Variants in EPB41L1 observed in about 807,000 individuals in gnomAD.
EPB41L1 encodes band 4.1-like protein 1.
In EPB41L1, 29 loss-of-function variants were observed where a neutral mutation model predicts 97.8. The ratio of observed to expected loss-of-function variants is 0.30; its 90% CI spans 0.22 to 0.40. The LOEUF is 0.40. EPB41L1 is among the 10% of genes least tolerant of loss of function. EPB41L1 has a pLI of 1.00. For synonymous variants in EPB41L1, 383 were observed against 459.2 expected, an observed-to-expected ratio of 0.83 and a Z score of 2.12; for missense variants, 812 against 1,162.3, an observed-to-expected ratio of 0.70 and a Z score of 4.38.
intron 1 of EPB41L1, chr20:36,109,941 T>C (rs868855440): frequency 6.7e-6 from 1 of 149,198 alleles, no homozygotes; most frequent in African/African-American, 2.6e-5. Flanking sequence ...TGACATTGTT[T>C]TTTTTTTTTT....
rs772790072 is a variant in EPB41L1 at position 36,214,458 on chromosome 20, G to A, written c.2268+18G>A. ...CCACCATGGTAAGTTGAACCCAGGA[G>A]GCTTCCCTCTCTGACCAGCCCCCTG... On this transcript the variant is annotated intron_variant, in intron 17 of 21. Coordinates refer to ENST00000338074, the MANE Select transcript of EPB41L1 (RefSeq NM_012156.2). The A allele has an allele frequency of 3.1e-6, 5 of 1,604,572 alleles. No homozygotes were observed. Among genetic ancestry groups the A allele is most frequent in the Admixed American group, 1.7e-5 (1 of 59,622 alleles).
At chr20:36,198,170 G>GGA (rs1170238425) in intron 14 of EPB41L1, 129 bp downstream of exon 14, 1 of 864,090 alleles carries the variant, frequency 1.2e-6, no homozygotes, top group Non-Finnish European at 1.8e-6. Flanking sequence ...TGGTGGGGAT[G>GGA]GAGAGGGTGG....
Position 36,207,161 on chromosome 20 carries a change from C to G in EPB41L1, c.1669-2327C>G, listed in dbSNP as rs1044695375. On this transcript the variant is annotated intron_variant, in intron 14 of 21. Coordinates refer to ENST00000338074, the MANE Select transcript of EPB41L1 (RefSeq NM_012156.2). The surrounding 1 kb of genome is among the most constrained non-coding windows in gnomAD (Gnocchi z 4.9). ...TCTCCAAGCCCAACCTCCCATGGGT[C>G]AGGGGAGCCTTCGGAGCTCAGGGAG... The G allele has an allele frequency of 1.9e-5, 24 of 1,289,082 alleles. No individual in the cohort carries two copies. Among genetic ancestry groups the G allele is most frequent in the Middle Eastern group, 2.1e-4 (1 of 4,716 alleles). The allele number at this position is 1,289,082 out of a possible 1,614,324, so 79.9% of individuals were successfully genotyped here.
At chr20:36,182,072 C>T (rs896866307) in intron 5 of EPB41L1, among the ~76,000 whole-genome samples, 200 bp from the exon 6 acceptor site, 1 of 152,210 alleles carries the variant, frequency 6.6e-6, no homozygotes, top group South Asian at 2.1e-4. Flanking sequence ...ACCTTCCTTC[C>T]TACTGCTAGC....
intron 2 of EPB41L1, among the ~76,000 whole-genome samples, chr20:36,124,743 C>T (rs575256613): frequency 6.6e-6 from 1 of 152,238 alleles, no homozygotes; most frequent in South Asian, 2.1e-4. Flanking sequence ...GCATGGCGCA[C>T]AGTAGGTATT....
At chr20:36,102,885 C>G (rs986376230) in intron 1 of EPB41L1, among the ~76,000 whole-genome samples, 1 of 152,180 alleles carries the variant, frequency 6.6e-6, no homozygotes, top group Non-Finnish European at 1.5e-5. Flanking sequence ...TGGGTCAGTG[C>G]CAAGGGGAGG....
intron 4 of EPB41L1, 148 bp downstream of exon 4, chr20:36,178,204 G>A (rs1428883107): frequency 2.8e-6 from 2 of 708,122 alleles, no homozygotes; most frequent in East Asian, 2.7e-5. Context: ...ATCCACCTGC[G>A]GTTCCCTGTC....
intron 5 of EPB41L1, among the ~76,000 whole-genome samples, chr20:36,179,428 T>A (rs1468253997): frequency 6.6e-6 from 1 of 152,262 alleles, no homozygotes; most frequent in East Asian, 1.9e-4. Context: ...AAATGTTGGC[T>A]GAGCCAGGTC....
chr20:36,134,737 C>T (rs1256749159), intron 2 of EPB41L1, among the ~76,000 whole-genome samples: 1 of 152,076 alleles, frequency 6.6e-6, no homozygotes, highest in African/African-American at 2.4e-5. Flanking sequence ...CTACCTTGCT[C>T]CAAAGGCTGC....
chr20:36,219,757 G>A lies in EPB41L1; in HGVS notation c.2356-4G>A. ...CCTGGGTGGGGGGTGGTTATATTCTGCAGATCATCGGGAAAGATGTCCTCA... is the reference window on the plus strand; with the variant it reads ...CCTGGGTGGGGGGTGGTTATATTCTACAGATCATCGGGAAAGATGTCCTCA... On this transcript the variant is annotated splice_region_variant and splice_polypyrimidine_tract_variant and intron_variant, in intron 18 of 21. Transcript: ENST00000338074. 1.2e-6 allele frequency: 2 copies of A among 1,613,482 alleles called. No individual in the cohort carries two copies. The highest frequency in any genetic ancestry group is 1.7e-6 in the Non-Finnish European group (2 of 1,179,652).
At chr20:36,158,504 T>C (rs764831180) in intron 1 of EPB41L1, among the ~76,000 whole-genome samples, 2 of 152,186 alleles carry the variant, frequency 1.3e-5, no homozygotes, top group Non-Finnish European at 2.9e-5. Flanking sequence ...GAAATAGGAA[T>C]GCCTCTGAAG....
At chr20:36,139,988 C>G (rs2147818363) in intron 2 of EPB41L1, among the ~76,000 whole-genome samples, 1 of 152,102 alleles carries the variant, frequency 6.6e-6, no homozygotes, top group South Asian at 2.1e-4. Flanking sequence ...CCTTGGCCTC[C>G]CAAAGTGCTG....
chr20:36,153,741 G>C (rs1457372214), upstream of EPB41L1, among the ~76,000 whole-genome samples: 2 of 152,172 alleles, frequency 1.3e-5, no homozygotes, highest in African/African-American at 4.8e-5. Flanking sequence ...CTGAGCCAGT[G>C]GCAGACCTGG....
At position 36,218,928 on chromosome 20, in the gene EPB41L1, A is replaced by G. The variant is rs758630893; in HGVS notation, c.2321A>G (p.Gln774Arg). 2 of 1,614,248 alleles carry G rather than the reference A, an allele frequency of 1.2e-6. No individual in the cohort carries two copies. The highest frequency in any genetic ancestry group is 1.1e-5 in the South Asian group (1 of 91,082). Reference protein sequence around the residue: ...KGAAAMIPGPQTVATEIRSLS... With the variant: ...KGAAAMIPGPRTVATEIRSLS... ...GCAGCTGCCATGATCCCAGGCCCAC[A>G]GACGGTGGCCACGGAAATCCGTTCT... The change falls in exon 18 of 22, where the codon CAG becomes CGG. Residue 774 changes from glutamine to arginine, a missense_variant. Gln to Arg is a conservative substitution (Grantham distance 43). Around this residue, in one of 3 missense-constraint regions of EPB41L1, gnomAD observed 498 missense variants for 622.7 expected, o/e 0.80. Coordinates refer to ENST00000338074, the MANE Select transcript of EPB41L1 (RefSeq NM_012156.2).
chr20:36,227,390 CT>C (rs2064229141), intron 21 of EPB41L1, among the ~76,000 whole-genome samples: 1 of 152,176 alleles, frequency 6.6e-6, no homozygotes, highest in Non-Finnish European at 1.5e-5. Context: ...CTAGAAACAC[CT>C]TGGTAGCTGT....
intron 1 of EPB41L1, among the ~76,000 whole-genome samples, chr20:36,104,584 T>C (rs1456142363): frequency 6.6e-6 from 1 of 152,166 alleles, no homozygotes; most frequent in Non-Finnish European, 1.5e-5. Context: ...ATTGTCCCTC[T>C]CTGCCCAGGC....
rs2062753719 is a variant in EPB41L1 at position 36,205,559 on chromosome 20, C to T, written c.1669-3929C>T. The stretch of plus-strand genomic sequence containing the variant: ...GGCCCATCTGTGGATCTCCATTTCC[C>T]CATGGCTGACATGGGAAGGGCATAA... On this transcript the variant is annotated intron_variant, in intron 14 of 21. Transcript: ENST00000338074. 2.0e-5 allele frequency among the ~76,000 whole-genome samples: 3 copies of T among 152,152 alleles called. No homozygotes were observed. In the South Asian group the frequency reaches 6.2e-4, roughly 32 times the overall value.
At chr20:36,162,293 A>G (rs953003785) in intron 1 of EPB41L1, among the ~76,000 whole-genome samples, 4 of 152,244 alleles carry the variant, frequency 2.6e-5, no homozygotes, top group Non-Finnish European at 5.9e-5. Flanking sequence ...AGTGCCCTGC[A>G]TGTGGGAGGG....
chr20:36,123,666 A>G (rs761350284), intron 2 of EPB41L1, among the ~76,000 whole-genome samples: 1 of 152,168 alleles, frequency 6.6e-6, no homozygotes, highest in Non-Finnish European at 1.5e-5. Flanking sequence ...ACCTGACCTC[A>G]GGTGATCCAC....
Sources: allele counts gnomAD v4.1 joint callset (sites outside exome capture counted in the v4.1 genomes callset), GRCh38; gene constraint gnomAD v4.1.1; regional missense constraint gnomAD v4.1.1; non-coding constraint Gnocchi (gnomAD v3.1); transcripts MANE v1.5; gene names NCBI Gene and HGNC (gene_info 2026-07-23, HGNC 2026-07-21).